The following DNAL1 variants were observed in gnomAD, a reference collection of about 807,000 sequenced individuals.
DNAL1 encodes the protein chromosome 14 open reading frame 168.
Under a neutral mutation model 29.4 loss-of-function variants are expected in DNAL1, and 17 were observed. The ratio of observed to expected loss-of-function variants is 0.58; its 90% CI spans 0.40 to 0.87. DNAL1 has a LOEUF of 0.87. DNAL1 is among the 40% of genes least tolerant of loss of function. DNAL1 has a pLI of 0.00. For synonymous variants in DNAL1, 78 were observed against 76.3 expected (o/e 1.02, Z -0.12); for missense variants, 188 against 214.1 (o/e 0.88, Z 0.76).
intron 4 of DNAL1, among the ~76,000 whole-genome samples, chr14:73,667,362 G>A (rs911978627): frequency 3.3e-5 from 5 of 152,056 alleles, no homozygotes; most frequent in Non-Finnish European, 7.4e-5. Flanking sequence ...CTACTTGGGA[G>A]GCTGAGGTGG....
At chr14:73,658,787 C>A in intron 2 of DNAL1, 60 bp from the exon 3 acceptor site, 2 of 1,277,602 alleles carry the variant, frequency 1.6e-6, no homozygotes, top group Non-Finnish European at 2.2e-6. Flanking sequence ...GAAATTCTGG[C>A]CTCTTTTGTT....
chr14:73,652,440 A>AT (rs1205772752), intron 1 of DNAL1, among the ~76,000 whole-genome samples: 2 of 151,118 alleles, frequency 1.3e-5, no homozygotes, highest in South Asian at 2.1e-4. Context: ...CCACGGTCTA[A>AT]TTTTTTTTTA....
chr14:73,670,248 G>A (rs1310066077), intron 4 of DNAL1, among the ~76,000 whole-genome samples: 1 of 152,148 alleles, frequency 6.6e-6, no homozygotes, highest in Non-Finnish European at 1.5e-5. Flanking sequence ...TCATCCAACA[G>A]AACTGTCAGC....
Position 73,661,959 on chromosome 14 carries a change from A to G in DNAL1, c.153-28A>G, listed in dbSNP as rs200276732. On this transcript the variant is annotated intron_variant, in intron 3 of 7. Transcript: ENST00000553645. ...CTGATTTACCATTTACATTTTTCACATTAAATTTTTTCTTTGTTCTTTTAA... is the reference window on the plus strand; with the variant it reads ...CTGATTTACCATTTACATTTTTCACGTTAAATTTTTTCTTTGTTCTTTTAA... 17 of 1,490,596 alleles carry G rather than the reference A, an allele frequency of 1.1e-5. No homozygotes were observed. In the African/African-American group the frequency reaches 2.1e-4, roughly 18 times the overall value. The allele number at this position is 1,490,596 out of a possible 1,614,324, so 92.3% of individuals were successfully genotyped here.
intron 1 of DNAL1, among the ~76,000 whole-genome samples, chr14:73,652,940 A>C (rs986572190): frequency 6.6e-6 from 1 of 152,166 alleles, no homozygotes; most frequent in African/African-American, 2.4e-5. Context: ...ATAATGGTAT[A>C]TATTTGTGAA....
At chr14:73,683,179 A>G (rs1268063743) in intron 5 of DNAL1, among the ~76,000 whole-genome samples, 1 of 152,146 alleles carries the variant, frequency 6.6e-6, no homozygotes, top group Non-Finnish European at 1.5e-5. Context: ...CCCAGCCTAC[A>G]GTTAGCTTTT....
At chr14:73,668,392 C>A (rs1891537385) in intron 4 of DNAL1, among the ~76,000 whole-genome samples, 1 of 152,022 alleles carries the variant, frequency 6.6e-6, no homozygotes, top group Non-Finnish European at 1.5e-5. Flanking sequence ...GCGTTTAATT[C>A]TTCATGAAAT....
At position 73,702,986 on chromosome 14, in the gene DNAL1, A is replaced by G. The variant is rs1301372268; in HGVS notation, c.*7044A>G. ...AAAAAAAAAATTAGTTGGGCATGGC[A>G]ATGCCGCCTGTGGTCCTAGCTACTG... On this transcript the variant is annotated 3_prime_UTR_variant, in exon 8 of 8. Transcript: ENST00000553645. 2.0e-5 allele frequency: 3 copies of G among 151,940 alleles called. No homozygotes were observed. 9.4% of individuals were successfully genotyped at this position (151,940 alleles called of 1,614,324 possible). A position where few individuals can be genotyped will look rare whatever the true frequency, so the allele number is the denominator to read the frequency against.
At chr14:73,686,639 T>C (rs1207704845) in intron 5 of DNAL1, among the ~76,000 whole-genome samples, 6 of 151,978 alleles carry the variant, frequency 3.9e-5, no homozygotes, top group African/African-American at 1.2e-4. Flanking sequence ...CCGGGGGAGG[T>C]TGAGGCTGCA....
chr14:73,685,647 A>C (rs1233375721), intron 5 of DNAL1, among the ~76,000 whole-genome samples: 1 of 151,976 alleles, frequency 6.6e-6, no homozygotes, highest in Non-Finnish European at 1.5e-5. Context: ...TTTTTATTAG[A>C]GATGGGATTT....
intron 4 of DNAL1, among the ~76,000 whole-genome samples, chr14:73,666,355 T>C (rs1459200370): frequency 4.6e-5 from 7 of 152,336 alleles, no homozygotes. Flanking sequence ...AGCTGTATAA[T>C]ATGAATAATA....
At chr14:73,692,397 A>G (rs1376181623) in intron 7 of DNAL1, among the ~76,000 whole-genome samples, 1 of 151,794 alleles carries the variant, frequency 6.6e-6, no homozygotes, top group Admixed American at 6.6e-5. Context: ...CAGGAGAATC[A>G]CTTGAACCCG....
chr14:73,678,429 A>AGTAGAT (rs1254483130), intron 5 of DNAL1, among the ~76,000 whole-genome samples: 7 of 151,856 alleles, frequency 4.6e-5, no homozygotes, highest in Admixed American at 2.0e-4. Context: ...CCAGCTCACA[A>AGTAGAT]GTAGATGTTA....
chr14:73,670,146 A>G (rs1354457262), intron 4 of DNAL1, among the ~76,000 whole-genome samples: 4 of 152,134 alleles, frequency 2.6e-5, no homozygotes, highest in African/African-American at 9.7e-5. Flanking sequence ...AGATTCAAAG[A>G]GGTTTGTTTG....
intron 2 of DNAL1, among the ~76,000 whole-genome samples, chr14:73,657,882 A>G (rs1891253274): frequency 1.3e-5 from 2 of 152,240 alleles, no homozygotes; most frequent in South Asian, 4.1e-4. Context: ...GGCGTGCACC[A>G]CTACGCCTGC....
chr14:73,669,362 C>T (rs1245297483), intron 4 of DNAL1, among the ~76,000 whole-genome samples: 1 of 151,812 alleles, frequency 6.6e-6, no homozygotes, highest in Non-Finnish European at 1.5e-5. Flanking sequence ...CTGTGACCTC[C>T]GCCTCCCGGG....
At position 73,695,891 on chromosome 14, in the gene DNAL1, T is replaced by C; in HGVS notation, c.533-11T>C. On this transcript the variant is annotated splice_polypyrimidine_tract_variant and intron_variant, in intron 7 of 7. Transcript: ENST00000553645. ...GAGAATAACCAGTAATAATTTTCTT[T>C]TTCATTTTAGGTACTCCAGTAATTA... 1 of 1,564,396 alleles carries C rather than the reference T, an allele frequency of 6.4e-7. No individual in the cohort carries two copies. Among genetic ancestry groups the C allele is most frequent in the Non-Finnish European group, 8.7e-7 (1 of 1,155,322 alleles).
chr14:73,682,153 A>T (rs547657358), intron 5 of DNAL1, among the ~76,000 whole-genome samples: 1 of 150,168 alleles, frequency 6.7e-6, no homozygotes, highest in African/African-American at 2.4e-5. Context: ...ATAAGAAATT[A>T]ACCTTAGCTT....
At chr14:73,670,896 C>T (rs1463888260) in intron 4 of DNAL1, among the ~76,000 whole-genome samples, 1 of 151,822 alleles carries the variant, frequency 6.6e-6, no homozygotes, top group Non-Finnish European at 1.5e-5. Context: ...ACCACCACAC[C>T]CAGCTAATTT....
Sources: gnomAD v4.1 joint callset for allele counts (sites outside exome capture counted in the v4.1 genomes callset) on GRCh38, gnomAD v4.1.1 for gene constraint, MANE v1.5 for transcripts, NCBI Gene and HGNC (gene_info 2026-07-23, HGNC 2026-07-21) for gene names.